The following SLC31A1 variants were observed in gnomAD, a reference collection of about 807,000 sequenced individuals.
The protein encoded by SLC31A1 is high affinity copper uptake protein 1.
Under a neutral mutation model 17.2 loss-of-function variants are expected in SLC31A1, and 5 were observed. That is an observed-to-expected ratio of 0.29 (90% CI 0.15 to 0.61). SLC31A1 has a LOEUF of 0.61. Among genes scored for constraint, SLC31A1 ranks in the 20% least tolerant of loss-of-function variants. The pLI is 0.86. For missense variants in SLC31A1, 161 were observed against 241.4 expected (o/e 0.67, Z 2.21); for synonymous variants, 76 against 78.8 (o/e 0.96, Z 0.19).
intron 1 of SLC31A1, among the ~76,000 whole-genome samples, chr9:113,250,600 G>A (rs1426845633): frequency 6.7e-6 from 1 of 149,888 alleles, no homozygotes; most frequent in Non-Finnish European, 1.5e-5. Context: ...AGTGGGTGCA[G>A]TGCACCAGCA....
At chr9:113,237,322 G>A (rs112742808) in intron 1 of SLC31A1, among the ~76,000 whole-genome samples, 1,714 of 152,234 alleles carry the variant, frequency 0.011, 35 homozygotes, top group African/African-American at 0.039. Flanking sequence ...CAACTTAATG[G>A]GCAAGGATTT....
chr9:113,240,919 G>A (rs946257143), intron 1 of SLC31A1, among the ~76,000 whole-genome samples: 2 of 151,790 alleles, frequency 1.3e-5, no homozygotes, highest in African/African-American at 2.4e-5. Context: ...GTGTGGTGGC[G>A]CTTGGCTGTA....
At chr9:113,257,322 A>G in intron 3 of SLC31A1, 137 bp downstream of exon 3, 2 of 796,366 alleles carry the variant, frequency 2.5e-6, no homozygotes, top group Non-Finnish European at 4.4e-6. Context: ...CTTGGTTCCT[A>G]TTTCCTACCT....
chr9:113,229,387 G>GT (rs942459884), intron 1 of SLC31A1, among the ~76,000 whole-genome samples: 15 of 152,180 alleles, frequency 9.9e-5, no homozygotes, highest in African/African-American at 1.9e-4. Context: ...TCCTTTTTAA[G>GT]TTTTTTACAA....
At chr9:113,242,364 A>G (rs951573350) in intron 1 of SLC31A1, among the ~76,000 whole-genome samples, 6 of 152,232 alleles carry the variant, frequency 3.9e-5, no homozygotes, top group Non-Finnish European at 8.8e-5. Flanking sequence ...TGGCTGGAAT[A>G]CAAAGTACAT....
In SLC31A1 at chr9:113,256,193, C is replaced by A; in HGVS notation, c.45C>A (p.Asn15Lys). Reference protein sequence around the residue: ...HHMGMSYMDSNSTMQPSHHHP... With the variant: ...HHMGMSYMDSKSTMQPSHHHP... ...TGGGGATGAGCTATATGGACTCCAA[C>A]AGTACCATGCAACCTTCTCACCATC... is the stretch of plus-strand genomic sequence containing the variant. The change falls in exon 2 of 5, where the codon AAC (asparagine) becomes AAA (lysine). Residue 15 changes from asparagine (N) to lysine (K), a missense_variant. Coordinates refer to ENST00000374212, the MANE Select transcript of SLC31A1 (RefSeq NM_001859.4). 6.2e-7 allele frequency: 1 copy of A among 1,613,022 alleles called. No individual in the cohort carries two copies. Among genetic ancestry groups the A allele is most frequent in the South Asian group, 1.1e-5 (1 of 91,026 alleles).
At chr9:113,244,136 C>T (rs1587992174) in intron 1 of SLC31A1, among the ~76,000 whole-genome samples, 1 of 91,490 alleles carries the variant, frequency 1.1e-5, no homozygotes, top group Admixed American at 1.8e-4. Context: ...GCCTGGGTGA[C>T]AAGAGCAAAA....
chr9:113,244,942 G>A (rs890779183), intron 1 of SLC31A1, among the ~76,000 whole-genome samples: 1 of 151,844 alleles, frequency 6.6e-6, no homozygotes. Flanking sequence ...TTTTCTTGTT[G>A]ACCTGACCTA....
intron 4 of SLC31A1, 120 bp from the exon 5 acceptor site, chr9:113,260,152 T>C: frequency 2.5e-6 from 2 of 812,602 alleles, no homozygotes; most frequent in East Asian, 2.4e-5. Context: ...CAAGTACCCA[T>C]GAGTTGCCAG....
At chr9:113,242,401 TTTTTG>T (rs761173146) in intron 1 of SLC31A1, among the ~76,000 whole-genome samples, 2 of 152,144 alleles carry the variant, frequency 1.3e-5, no homozygotes, top group Non-Finnish European at 2.9e-5. Flanking sequence ...GGTTGGGTTC[TTTTTG>T]TTTTGTTTTG....
chr9:113,229,044 C>T (rs1009949589), intron 1 of SLC31A1, among the ~76,000 whole-genome samples: 18 of 152,178 alleles, frequency 1.2e-4, no homozygotes. Context: ...TGGCGTTTCT[C>T]CATGTTGGTC....
At chr9:113,239,178 CT>C (rs75699769) in intron 1 of SLC31A1, among the ~76,000 whole-genome samples, 270 of 145,034 alleles carry the variant, frequency 1.9e-3, no homozygotes, top group Non-Finnish European at 1.8e-3. Context: ...TGACTCCAGA[CT>C]TTTTTTTTTT....
At chr9:113,224,656 G>A (rs533880815) in intron 1 of SLC31A1, among the ~76,000 whole-genome samples, 4 of 152,296 alleles carry the variant, frequency 2.6e-5, no homozygotes, top group South Asian at 4.1e-4. Context: ...TGGAACTCCC[G>A]ACCTCAGGTG....
chr9:113,224,617 G>A (rs1451632877), intron 1 of SLC31A1, among the ~76,000 whole-genome samples: 7 of 152,146 alleles, frequency 4.6e-5, no homozygotes, highest in African/African-American at 1.2e-4. Flanking sequence ...TAGTAGAGAC[G>A]GGGTTTCTCC....
At chr9:113,235,898 A>G (rs1831452944) in intron 1 of SLC31A1, among the ~76,000 whole-genome samples, 1 of 152,230 alleles carries the variant, frequency 6.6e-6, no homozygotes, top group Admixed American at 6.5e-5. Flanking sequence ...TATGAACAGT[A>G]TGTTCTGGAA....
At chr9:113,225,024 C>A (rs1831325426) in intron 1 of SLC31A1, among the ~76,000 whole-genome samples, 1 of 152,204 alleles carries the variant, frequency 6.6e-6, no homozygotes, top group Non-Finnish European at 1.5e-5. Flanking sequence ...TTGCTGCTGT[C>A]ATTTTTCTCT....
intron 1 of SLC31A1, among the ~76,000 whole-genome samples, chr9:113,226,673 G>A (rs535124111): frequency 3.3e-5 from 5 of 152,124 alleles, no homozygotes; most frequent in Non-Finnish European, 7.4e-5. Context: ...AGGACATTAT[G>A]AAATACAGCA....
intron 1 of SLC31A1, 96 bp from the exon 2 acceptor site, chr9:113,256,018 C>G (rs1384538995): frequency 4.3e-6 from 4 of 924,278 alleles, no homozygotes; most frequent in Non-Finnish European, 6.4e-6. Context: ...GCATTCCAGC[C>G]TGGGCAACAT....
intron 1 of SLC31A1, among the ~76,000 whole-genome samples, chr9:113,226,059 C>T (rs996246906): frequency 2.0e-5 from 3 of 151,474 alleles, no homozygotes; most frequent in Non-Finnish European, 2.9e-5. Context: ...GCTTGAGCTC[C>T]GGAGAGGCGG....
Sources: allele counts gnomAD v4.1 joint callset (sites outside exome capture counted in the v4.1 genomes callset), GRCh38; gene constraint gnomAD v4.1.1; transcripts MANE v1.5; gene names NCBI Gene and HGNC (gene_info 2026-07-23, HGNC 2026-07-21).